SAMTOR: variants seen among roughly 807,000 people sequenced by gnomAD.
SAMTOR encodes UPF0532 protein C7orf60.
At chr7:112,914,563 T>C in the SAMTOR span, among the ~76,000 whole-genome samples, 2 of 152,226 alleles carry the variant, frequency 1.3e-5, no homozygotes, top group African/African-American at 4.8e-5. Context: ...AAAGTCAATA[T>C]AAATGCTGGA....
the SAMTOR span, among the ~76,000 whole-genome samples, chr7:112,891,556 G>A: frequency 6.6e-6 from 1 of 152,058 alleles, no homozygotes; most frequent in African/African-American, 2.4e-5. Context: ...AAACCAACAG[G>A]GTAAAAGGGT....
At chr7:112,852,508 G>A in the SAMTOR span, among the ~76,000 whole-genome samples, 1 of 151,886 alleles carries the variant, frequency 6.6e-6, no homozygotes, top group South Asian at 2.1e-4. Context: ...ACTACTTACT[G>A]GGTACCATTT....
chr7:112,921,543 A>T, the SAMTOR span, among the ~76,000 whole-genome samples: 1 of 148,966 alleles, frequency 6.7e-6, no homozygotes, highest in Non-Finnish European at 1.5e-5. Context: ...ATGGGCAAGG[A>T]CTTCATGTCT....
At chr7:112,860,173 G>C in the SAMTOR span, among the ~76,000 whole-genome samples, 1 of 152,122 alleles carries the variant, frequency 6.6e-6, no homozygotes, top group Admixed American at 6.5e-5. Flanking sequence ...TGTAGCCTAG[G>C]AGCAAATGAC....
At chr7:112,895,253 TAC>T in the SAMTOR span, among the ~76,000 whole-genome samples, 1 of 151,166 alleles carries the variant, frequency 6.6e-6, no homozygotes. Flanking sequence ...ATATGTTATA[TAC>T]ACACATATAG....
the SAMTOR span, among the ~76,000 whole-genome samples, chr7:112,903,795 C>T: frequency 1.3e-5 from 2 of 152,204 alleles, no homozygotes; most frequent in South Asian, 2.1e-4. Context: ...ATCCAAACTA[C>T]GTATCTTGTA....
the SAMTOR span, among the ~76,000 whole-genome samples, chr7:112,869,292 C>CG: frequency 6.6e-6 from 1 of 152,094 alleles, no homozygotes; most frequent in African/African-American, 2.4e-5. Context: ...GCTCCACTCC[C>CG]GCTGAAGACC....
At chr7:112,886,089 A>AG in the SAMTOR span, among the ~76,000 whole-genome samples, 1 of 152,122 alleles carries the variant, frequency 6.6e-6, no homozygotes, top group African/African-American at 2.4e-5. Context: ...TAAAACTATG[A>AG]GATCTTGTGA....
At chr7:112,848,746 G>A in the SAMTOR span, among the ~76,000 whole-genome samples, 1 of 152,156 alleles carries the variant, frequency 6.6e-6, no homozygotes. Context: ...CATTATAAAA[G>A]TGCCTTTTGA....
the SAMTOR span, among the ~76,000 whole-genome samples, chr7:112,850,155 T>A: frequency 3.9e-5 from 6 of 152,138 alleles, no homozygotes; most frequent in African/African-American, 1.4e-4. Flanking sequence ...GAGCCAATAT[T>A]GCGCCATTGC....
the SAMTOR span, among the ~76,000 whole-genome samples, chr7:112,856,274 G>A: frequency 1.3e-5 from 2 of 148,358 alleles, no homozygotes; most frequent in Non-Finnish European, 3.0e-5. Flanking sequence ...TTTCGAGACC[G>A]AGTGTCACTC....
chr7:112,929,120 A>G, the SAMTOR span, among the ~76,000 whole-genome samples: 15 of 151,976 alleles, frequency 9.9e-5, no homozygotes, highest in African/African-American at 3.6e-4. Flanking sequence ...TACAAAGCAC[A>G]GAAAATAAGT....
At chr7:112,926,015 A>G in the SAMTOR span, among the ~76,000 whole-genome samples, 8 of 152,176 alleles carry the variant, frequency 5.3e-5, no homozygotes, top group African/African-American at 1.9e-4. Context: ...AGGCCACGGC[A>G]TTTATCTCTA....
chr7:112,883,088 T>C, the SAMTOR span, among the ~76,000 whole-genome samples: 1 of 152,200 alleles, frequency 6.6e-6, no homozygotes, highest in Admixed American at 6.5e-5. Flanking sequence ...TTTAAGAATA[T>C]GTCCAATATT....
the SAMTOR span, among the ~76,000 whole-genome samples, chr7:112,870,626 C>T: frequency 3.3e-5 from 5 of 151,952 alleles, no homozygotes; most frequent in South Asian, 6.2e-4. Flanking sequence ...AAAGCAACTA[C>T]GTAATTGAGA....
At chr7:112,835,252 T>C in the SAMTOR span, among the ~76,000 whole-genome samples, 2 of 152,122 alleles carry the variant, frequency 1.3e-5, no homozygotes, top group Non-Finnish European at 2.9e-5. Flanking sequence ...GGTACATAAG[T>C]TCCTAATCTG....
At chr7:112,926,274 T>C in the SAMTOR span, among the ~76,000 whole-genome samples, 1 of 152,228 alleles carries the variant, frequency 6.6e-6, no homozygotes, top group Admixed American at 6.5e-5. Context: ...TAGAAATTCT[T>C]AGAGTCCTTG....
At chr7:112,903,042 A>G in the SAMTOR span, among the ~76,000 whole-genome samples, 1,654 of 152,258 alleles carry the variant, frequency 0.011, 31 homozygotes, top group African/African-American at 0.037. Context: ...GGCCAGGCAC[A>G]GTGGCTCATG....
the SAMTOR span, chr7:112,895,744 A>G: frequency 2.0e-6 from 3 of 1,491,986 alleles, no homozygotes; most frequent in Admixed American, 5.6e-5. Flanking sequence ...CATACACTAC[A>G]AGTAAAAATA....
Sources: allele counts gnomAD v4.1 joint callset (sites outside exome capture counted in the v4.1 genomes callset), GRCh38; gene constraint gnomAD v4.1.1; transcripts MANE v1.5; gene names NCBI Gene and HGNC (gene_info 2026-07-23, HGNC 2026-07-21).